Variants in MAP4K4 observed in about 807,000 individuals in gnomAD.
MAP4K4 encodes the protein HPK/GCK-like kinase HGK.
In MAP4K4, 38 loss-of-function variants were observed where a neutral mutation model predicts 189.6. The ratio of observed to expected loss-of-function variants is 0.20; its 90% CI spans 0.15 to 0.26. The LOEUF (loss-of-function observed/expected upper bound fraction) is 0.26, where lower values mean the gene tolerates loss of function less well. Among genes scored for constraint, MAP4K4 ranks in the 10% least tolerant of loss-of-function variants. MAP4K4 has a pLI of 1.00. For synonymous variants in MAP4K4, 610 were observed against 624.3 expected (o/e 0.98, Z 0.34); for missense variants, 1,054 against 1,726.9 (o/e 0.61, Z 6.91).
chr2:101,703,388 C>T (rs4851488), intron 2 of MAP4K4, among the ~76,000 whole-genome samples: 9,226 of 151,970 alleles, frequency 0.061, 370 homozygotes, highest in East Asian at 0.11. Context: ...GAGGCTGAGA[C>T]GGGCGGATCA....
intron 3 of MAP4K4, among the ~76,000 whole-genome samples, chr2:101,794,502 G>A (rs939329177): frequency 9.9e-5 from 15 of 152,042 alleles, no homozygotes; most frequent in African/African-American, 1.7e-4. Context: ...GAACACTCTC[G>A]GCTGTTCACT....
chr2:101,747,701 C>G (rs1179209805), intron 2 of MAP4K4, among the ~76,000 whole-genome samples: 1 of 152,124 alleles, frequency 6.6e-6, no homozygotes, highest in Non-Finnish European at 1.5e-5. Context: ...GCCCCCCCTT[C>G]TTAGCTTTGG....
chr2:101,737,666 T>C (rs893334524), intron 2 of MAP4K4, among the ~76,000 whole-genome samples: 2 of 151,502 alleles, frequency 1.3e-5, no homozygotes, highest in Admixed American at 6.6e-5. Context: ...TTCCATTCTC[T>C]GCCACTCCTT....
chr2:101,806,959 G>T (rs2149079316), intron 3 of MAP4K4, among the ~76,000 whole-genome samples: 1 of 152,216 alleles, frequency 6.6e-6, no homozygotes, highest in South Asian at 2.1e-4. Flanking sequence ...GCTGGCCCTG[G>T]CGATTCTGTG....
intron 12 of MAP4K4, among the ~76,000 whole-genome samples, chr2:101,850,318 T>A (rs561246295): frequency 6.6e-6 from 1 of 152,198 alleles, no homozygotes; most frequent in East Asian, 1.9e-4. Context: ...TGAAATGGGA[T>A]TAGTATTGAT....
At chr2:101,715,201 A>C (rs1337270724) in intron 2 of MAP4K4, among the ~76,000 whole-genome samples, 1 of 151,984 alleles carries the variant, frequency 6.6e-6, no homozygotes, top group African/African-American at 2.4e-5. Flanking sequence ...CCTTTTGTGC[A>C]CCCCTCCCTG....
intron 3 of MAP4K4, among the ~76,000 whole-genome samples, chr2:101,803,662 T>C (rs2094609306): frequency 2.0e-5 from 3 of 152,210 alleles, no homozygotes; most frequent in Non-Finnish European, 2.9e-5. Context: ...TTTCTGGAAT[T>C]GCTTGTTTTA....
At chr2:101,737,461 ATTTTTTTTT>A (rs1173208424) in intron 2 of MAP4K4, among the ~76,000 whole-genome samples, 34 of 25,984 alleles carry the variant, frequency 1.3e-3, no homozygotes, top group African/African-American at 4.8e-3. Flanking sequence ...ATATATATAT[ATTTTTTTTT>A]TTTTTTTTTT....
chr2:101,826,408 G>T (rs1463550541), intron 5 of MAP4K4, among the ~76,000 whole-genome samples: 2 of 152,028 alleles, frequency 1.3e-5, no homozygotes, highest in Non-Finnish European at 2.9e-5. Flanking sequence ...ATTCCCCTAA[G>T]AAGACTAGTT....
At chr2:101,870,240 G>T (rs2097945920) in intron 22 of MAP4K4, 55 bp from the exon 23 acceptor site, 2 of 1,584,722 alleles carry the variant, frequency 1.3e-6, no homozygotes, top group African/African-American at 2.7e-5. Flanking sequence ...GCCTAAACAG[G>T]ATCTCCTTGA....
At chr2:101,870,601 G>A (rs1473954480) in intron 23 of MAP4K4, 186 bp downstream of exon 23, 3 of 672,514 alleles carry the variant, frequency 4.5e-6, no homozygotes, top group African/African-American at 3.7e-5. Flanking sequence ...AGAAGGTAGC[G>A]AGTAGTCTCC....
chr2:101,852,152 T>G (rs539245261), intron 12 of MAP4K4, among the ~76,000 whole-genome samples: 1 of 152,034 alleles, frequency 6.6e-6, no homozygotes, highest in South Asian at 2.1e-4. Context: ...TTTTTTTTGT[T>G]TTTATTAGTA....
intron 2 of MAP4K4, among the ~76,000 whole-genome samples, chr2:101,762,285 C>T (rs1421601039): frequency 6.6e-6 from 1 of 152,190 alleles, no homozygotes; most frequent in Non-Finnish European, 1.5e-5. Flanking sequence ...CAAATTGCCA[C>T]ACCTAGGTAA....
At chr2:101,787,398 G>A (rs1002465017) in intron 2 of MAP4K4, among the ~76,000 whole-genome samples, 1 of 152,132 alleles carries the variant, frequency 6.6e-6, no homozygotes, top group Non-Finnish European at 1.5e-5. Context: ...TTATAGTTAC[G>A]TGCATTTTCA....
In MAP4K4 at chr2:101,698,542, G is replaced by T; in HGVS notation, c.123+4G>T. 6.2e-7 allele frequency: 1 copy of T among 1,613,128 alleles called. No individual in the cohort carries two copies. The highest frequency in any genetic ancestry group is 8.5e-7 in the Non-Finnish European group (1 of 1,179,342). ...CACCTATGGACAAGTCTATAAGGTC[G>T]GTGTGGGCGCCTTCTTTGTTTCCCG... On this transcript the variant is annotated splice_donor_region_variant and intron_variant, in intron 2 of 32. Coordinates refer to ENST00000324219, the Ensembl canonical transcript of MAP4K4.
At chr2:101,879,891 T>C (rs902717697) in intron 27 of MAP4K4, among the ~76,000 whole-genome samples, 3 of 152,076 alleles carry the variant, frequency 2.0e-5, no homozygotes, top group African/African-American at 7.2e-5. Flanking sequence ...TTTTGCAGTT[T>C]AGCCATTCTG....
At chr2:101,835,641 C>T (rs1025841662) in intron 8 of MAP4K4, among the ~76,000 whole-genome samples, 1 of 152,152 alleles carries the variant, frequency 6.6e-6, no homozygotes, top group Non-Finnish European at 1.5e-5. Flanking sequence ...TCCTATAAGA[C>T]TTAGATTTAT....
intron 2 of MAP4K4, among the ~76,000 whole-genome samples, chr2:101,785,802 TTTCTC>T (rs1427324420): frequency 0.018 from 227 of 12,468 alleles, 9 homozygotes; most frequent in African/African-American, 0.035. Context: ...CTCTTCTTTC[TTTCTC>T]TTCTTTCTTT....
Position 101,728,172 on chromosome 2 carries a change from A to G in MAP4K4, c.123+29634A>G, listed in dbSNP as rs2056590516. On this transcript the variant is annotated intron_variant, in intron 2 of 32. Coordinates refer to ENST00000324219, the Ensembl canonical transcript of MAP4K4. ...GCTCTTGAAGCGTGGATCCCAAAGT[A>G]CAGATTGTCATAGCATATTTCTCTG... is the stretch of plus-strand genomic sequence containing the variant. Among the ~76,000 whole-genome samples, 3 of 152,172 alleles carry G rather than the reference A, an allele frequency of 2.0e-5. No homozygotes were observed. The South Asian group carries it at 6.2e-4, about 32-fold the overall frequency.
Sources: allele counts gnomAD v4.1 joint callset (sites outside exome capture counted in the v4.1 genomes callset), GRCh38; gene constraint gnomAD v4.1.1; transcripts MANE v1.5; gene names NCBI Gene and HGNC (gene_info 2026-07-23, HGNC 2026-07-21).